The following ZFAT variants were observed in gnomAD, a reference collection of about 807,000 sequenced individuals.
ZFAT encodes zinc finger and AT-hook domain containing.
ZFAT carries 64 observed loss-of-function variants against 117.7 expected under a neutral mutation model. The observed-to-expected ratio is 0.54, with a 90% CI of 0.44 to 0.67. The LOEUF is 0.67. Among genes scored for constraint, ZFAT ranks in the 30% least tolerant of loss-of-function variants. The probability of loss-of-function intolerance (pLI) is 0.00; values close to 1 mark genes in which losing one functional copy is unlikely to be tolerated. For missense variants in ZFAT, 1,433 were observed against 1,584.5 expected (o/e 0.90, Z 1.62); for synonymous variants, 679 against 615.0 (o/e 1.10, Z -1.54).
intron 13 of ZFAT, among the ~76,000 whole-genome samples, chr8:134,517,246 C>T (rs1054334730): frequency 1.4e-4 from 22 of 152,008 alleles, no homozygotes; most frequent in African/African-American, 5.1e-4. Context: ...TTAAGACTTG[C>T]TTTTTAAGTT....
intron 3 of ZFAT, among the ~76,000 whole-genome samples, chr8:134,621,315 A>G (rs1372601940): frequency 3.3e-5 from 5 of 152,022 alleles, no homozygotes; most frequent in African/African-American, 1.2e-4. Flanking sequence ...CCTTTAGTCA[A>G]TATCACAGAA....
intron 15 of ZFAT, among the ~76,000 whole-genome samples, chr8:134,487,342 C>T (rs1051740694): frequency 2.0e-5 from 3 of 152,162 alleles, no homozygotes; most frequent in African/African-American, 4.8e-5. Flanking sequence ...TCCCAGTTTA[C>T]AGAGTGTTTG....
intron 2 of ZFAT, among the ~76,000 whole-genome samples, chr8:134,655,139 G>A (rs1404225251): frequency 6.6e-6 from 1 of 152,166 alleles, no homozygotes; most frequent in African/African-American, 2.4e-5. Context: ...TCAGTGATGA[G>A]AGGGAGGAGA....
rs542605279 is a variant in ZFAT, at chr8:134,658,075, C to T, written c.20-338G>A. Among the ~76,000 whole-genome samples the T allele has an allele frequency of 2.9e-3, 437 of 152,308 alleles. 2 individuals are homozygous for T. The highest frequency in any genetic ancestry group is 3.1e-3 in the Admixed American group (48 of 15,310). On this transcript the variant is annotated intron_variant, in intron 1 of 15. Coordinates refer to ENST00000377838, the MANE Select transcript of ZFAT (RefSeq NM_020863.4). ...ATATGCGGCCGGGCGCGGTGGCGCA[C>T]GCCTGTAATCCCAGCACTTTGGGAG... is the stretch of plus-strand genomic sequence containing the variant.
At chr8:134,711,025 AAAC>A (rs1415289300) in intron 1 of ZFAT, among the ~76,000 whole-genome samples, 2 of 152,264 alleles carry the variant, frequency 1.3e-5, no homozygotes, top group African/African-American at 4.8e-5. Context: ...ATCAGCTGCT[AAAC>A]AACAGAACAA....
chr8:134,804,362 G>A, the ZFAT span, among the ~76,000 whole-genome samples: 1 of 152,198 alleles, frequency 6.6e-6, no homozygotes, highest in Non-Finnish European at 1.5e-5. Flanking sequence ...ATTAGGAGCT[G>A]TAATATCACT....
the ZFAT span, among the ~76,000 whole-genome samples, chr8:134,744,456 C>G: frequency 2.0e-5 from 3 of 151,848 alleles, no homozygotes; most frequent in African/African-American, 7.3e-5. Flanking sequence ...CCACCATGCC[C>G]GGCTAATTTT....
chr8:134,743,468 G>A, the ZFAT span, among the ~76,000 whole-genome samples: 19 of 151,956 alleles, frequency 1.3e-4, no homozygotes, highest in East Asian at 2.1e-3. Flanking sequence ...CAGCCTGGGC[G>A]ACAGAGTGAG....
chr8:134,608,664 T>C, intron 5 of ZFAT, 65 bp downstream of exon 5: 1 of 1,568,044 alleles, frequency 6.4e-7, no homozygotes, highest in East Asian at 2.3e-5. Flanking sequence ...TGATCCTTCC[T>C]GCACTCTGTG....
intron 1 of ZFAT, among the ~76,000 whole-genome samples, chr8:134,658,148 T>C (rs1831726905): frequency 6.6e-6 from 1 of 152,048 alleles, no homozygotes; most frequent in Non-Finnish European, 1.5e-5. Context: ...CCATCCTGGC[T>C]AACATGGTGA....
chr8:134,540,485 T>C (rs1409002613), intron 11 of ZFAT, among the ~76,000 whole-genome samples: 1 of 152,216 alleles, frequency 6.6e-6, no homozygotes, highest in Admixed American at 6.5e-5. Flanking sequence ...TCTTCCCTTC[T>C]AGAGAAGCTC....
At chr8:134,670,849 C>G (rs1478963137) in intron 1 of ZFAT, among the ~76,000 whole-genome samples, 1 of 152,196 alleles carries the variant, frequency 6.6e-6, no homozygotes, top group African/African-American at 2.4e-5. Context: ...AATTGATAGA[C>G]TACTAGCCAC....
chr8:134,602,391 T>G lies in ZFAT; in HGVS notation c.1328A>C (p.Lys443Thr). Residue 443 changes from lysine (K) to threonine (T), a missense_variant, in exon 6 of 16, where the codon AAG becomes ACG. Transcript: ENST00000377838. Reference sequence around the variant, plus strand: ...GACATGCAGTTCCAGCGCCTGGTACTTGGTGGCCCCATGGCCACAGAGCTC... The same window carrying G: ...GACATGCAGTTCCAGCGCCTGGTACGTGGTGGCCCCATGGCCACAGAGCTC... ...ACELCGHGAT[K>T]YQALELHVRK... is the part of the protein sequence containing the mutation. 1 of 1,613,890 alleles carries G rather than the reference T, an allele frequency of 6.2e-7. No homozygotes were observed. The highest frequency in any genetic ancestry group is 8.5e-7 in the Non-Finnish European group (1 of 1,180,040).
intron 15 of ZFAT, among the ~76,000 whole-genome samples, chr8:134,482,319 G>C (rs1817372133): frequency 6.6e-6 from 1 of 152,234 alleles, no homozygotes; most frequent in African/African-American, 2.4e-5. Context: ...TCACAGGAGA[G>C]AAGGCATTTG....
the ZFAT span, among the ~76,000 whole-genome samples, chr8:134,739,666 C>G: frequency 6.6e-6 from 1 of 152,164 alleles, no homozygotes; most frequent in Non-Finnish European, 1.5e-5. Flanking sequence ...AGGTCCTAGA[C>G]TCTAGGAAGA....
chr8:134,611,667 C>T (rs191875022), intron 3 of ZFAT, among the ~76,000 whole-genome samples: 8 of 152,240 alleles, frequency 5.3e-5, no homozygotes, highest in Non-Finnish European at 2.9e-5. Context: ...GACTGGAAAT[C>T]GAGATTTACA....
intron 11 of ZFAT, among the ~76,000 whole-genome samples, chr8:134,555,821 A>T (rs184786757): frequency 6.6e-6 from 1 of 151,978 alleles, no homozygotes; most frequent in Admixed American, 6.5e-5. Context: ...CTAGGAAAAA[A>T]AAAATAAAAA....
intron 3 of ZFAT, 122 bp from the exon 4 acceptor site, chr8:134,610,777 G>A (rs919055176): frequency 3.8e-5 from 42 of 1,102,252 alleles, no homozygotes; most frequent in Admixed American, 1.2e-4. Flanking sequence ...GCAGTGCCAC[G>A]CAGACCACGG....
intron 13 of ZFAT, among the ~76,000 whole-genome samples, chr8:134,519,515 T>C (rs981182925): frequency 6.6e-6 from 1 of 152,266 alleles, no homozygotes; most frequent in Non-Finnish European, 1.5e-5. Context: ...CAGGTGTACA[T>C]GTATCTACAA....
Sources: allele counts gnomAD v4.1 joint callset (sites outside exome capture counted in the v4.1 genomes callset), GRCh38; gene constraint gnomAD v4.1.1; transcripts MANE v1.5; gene names NCBI Gene and HGNC (gene_info 2026-07-23, HGNC 2026-07-21).